Variants in KIRREL3 observed in about 807,000 individuals in gnomAD.
KIRREL3 encodes kin of IRRE-like protein 3.
In KIRREL3, 36 loss-of-function variants were observed where a neutral mutation model predicts 89.7. That is an observed-to-expected ratio of 0.40 (90% CI 0.31 to 0.53). KIRREL3 has a LOEUF of 0.53. KIRREL3 is among the 20% of genes least tolerant of loss of function. The pLI is 0.49. For missense variants in KIRREL3, 864 were observed against 1,056.6 expected (o/e 0.82, Z 2.53); for synonymous variants, 445 against 441.4 (o/e 1.01, Z -0.10).
chr11:126,953,047 A>G lies in KIRREL3; in HGVS notation c.55+47408T>C, dbSNP rs1413607386. Among the ~76,000 whole-genome samples the G allele has an allele frequency of 6.6e-6, 1 of 152,244 alleles. No individual in the cohort carries two copies. The highest frequency in any genetic ancestry group is 1.5e-5 in the Non-Finnish European group (1 of 68,044). On this transcript the variant is annotated intron_variant, in intron 1 of 16. Transcript: ENST00000525144. This position sits in a 1 kb window ranked among gnomAD's most constrained non-coding sequence, Gnocchi z 5.2. ...ACACATGCACATGTATGTTTATTGC[A>G]GCACTGTTCACAATAACAAAGACTT...
At chr11:126,444,779 A>C (rs2134189287) in intron 10 of KIRREL3, among the ~76,000 whole-genome samples, 200 bp downstream of exon 10, 1 of 152,290 alleles carries the variant, frequency 6.6e-6, no homozygotes, top group African/African-American at 2.4e-5. Context: ...GGTGACTAGA[A>C]AACTACCCAG....
At chr11:126,789,093 T>A (rs117990963) in intron 1 of KIRREL3, among the ~76,000 whole-genome samples, 4 of 152,334 alleles carry the variant, frequency 2.6e-5, no homozygotes, top group Non-Finnish European at 5.9e-5. Context: ...CTTCCCCATA[T>A]GACCATGAGC....
In KIRREL3 at chr11:126,718,656, A is replaced by G. The variant is rs190585625; in HGVS notation, c.56-155744T>C. Among the ~76,000 whole-genome samples, 6 of 152,360 alleles carry G rather than the reference A, an allele frequency of 3.9e-5. No homozygotes were observed. The South Asian group carries it at 6.2e-4, about 16-fold the overall frequency. On this transcript the variant is annotated intron_variant, in intron 1 of 16. Coordinates refer to ENST00000525144, the MANE Select transcript of KIRREL3 (RefSeq NM_032531.4). ...TAAGGATAAGTGCTGTGCTTTACAC[A>G]TATTTTATTTACTCTCAATAATAAT...
At chr11:126,822,412 A>G (rs1465620256) in intron 1 of KIRREL3, among the ~76,000 whole-genome samples, 1 of 152,228 alleles carries the variant, frequency 6.6e-6, no homozygotes, top group East Asian at 1.9e-4. Flanking sequence ...AGCTCTGCTT[A>G]CAATGTAGGC....
intron 1 of KIRREL3, among the ~76,000 whole-genome samples, chr11:126,902,549 G>T (rs562790774): frequency 2.6e-5 from 4 of 152,214 alleles, no homozygotes; most frequent in Non-Finnish European, 5.9e-5. Flanking sequence ...CTAATGCAGT[G>T]AATTTGTTTA....
chr11:126,663,918 C>A (rs970313292), intron 1 of KIRREL3, among the ~76,000 whole-genome samples: 1 of 152,206 alleles, frequency 6.6e-6, no homozygotes, highest in Non-Finnish European at 1.5e-5. Context: ...AGGAGAGCCA[C>A]CCCAGTCCTG....
Position 126,516,481 on chromosome 11 carries a change from C to T in KIRREL3, c.433+4834G>A, listed in dbSNP as rs992244719. 6.6e-6 allele frequency among the ~76,000 whole-genome samples: 1 copy of T among 152,202 alleles called. No individual in the cohort carries two copies. Among genetic ancestry groups the T allele is most frequent in the Non-Finnish European group, 1.5e-5 (1 of 68,048 alleles). ...ATGGTTTAATCCGTGCATCACTTAT[C>T]GACCGCCTTCTCTCTGCCAGAATGC... On this transcript the variant is annotated intron_variant, in intron 4 of 16. Transcript: ENST00000525144. This position sits in a 1 kb window ranked among gnomAD's most constrained non-coding sequence, Gnocchi z 4.9.
rs1441890754 is a variant in KIRREL3, at chr11:126,755,205, C to A, written c.56-192293G>T. On this transcript the variant is annotated intron_variant, in intron 1 of 16. Transcript: ENST00000525144. The surrounding 1 kb of genome is among the most constrained non-coding windows in gnomAD (Gnocchi z 4.3). ...GGCCCAAAGGTAGGGCATTAAGTAA[C>A]CAGAGGGAAAAAAATGTATTCCCAT... 1.3e-5 allele frequency among the ~76,000 whole-genome samples: 2 copies of A among 152,122 alleles called. No homozygotes were observed. Among genetic ancestry groups the A allele is most frequent in the East Asian group, 1.9e-4 (1 of 5,198 alleles).
intron 1 of KIRREL3, among the ~76,000 whole-genome samples, chr11:126,713,077 G>A (rs1290941165): frequency 1.3e-5 from 2 of 152,178 alleles, no homozygotes; most frequent in Non-Finnish European, 2.9e-5. Context: ...ATAACAAAGT[G>A]TGAGAAACCT....
chr11:126,789,526 CT>C (rs1283551014), intron 1 of KIRREL3, among the ~76,000 whole-genome samples: 1 of 152,198 alleles, frequency 6.6e-6, no homozygotes, highest in Non-Finnish European at 1.5e-5. Flanking sequence ...ACTTCACCTT[CT>C]CTCATTCACT....
chr11:126,493,778 C>T (rs554606240), intron 4 of KIRREL3, among the ~76,000 whole-genome samples: 1 of 152,282 alleles, frequency 6.6e-6, no homozygotes, highest in East Asian at 1.9e-4. Flanking sequence ...CCAGCTGGCC[C>T]CGCCTGGGCA....
At chr11:126,789,664 G>A (rs1429261303) in intron 1 of KIRREL3, among the ~76,000 whole-genome samples, 1 of 152,178 alleles carries the variant, frequency 6.6e-6, no homozygotes. Context: ...CCCCGGAGTT[G>A]TAGGAAGCAT....
chr11:126,516,040 G>GC lies in KIRREL3; in HGVS notation c.433+5274dup, dbSNP rs1487213989. ...GCTGCCAACGCGGTGGGCTGAGGAG[G>GC]CCCTGCAGCTCTGCTGGTAGAGCTG... On this transcript the variant is annotated intron_variant, in intron 4 of 16. Transcript: ENST00000525144. The surrounding 1 kb of genome is among the most constrained non-coding windows in gnomAD (Gnocchi z 4.9). Among the ~76,000 whole-genome samples the GC allele has an allele frequency of 6.6e-6, 1 of 152,182 alleles. No individual in the cohort carries two copies. The highest frequency in any genetic ancestry group is 1.5e-5 in the Non-Finnish European group (1 of 68,040).
At chr11:126,944,981 A>T (rs1475262898) in intron 1 of KIRREL3, 1 of 152,208 alleles carries the variant, frequency 6.6e-6, no homozygotes, top group African/African-American at 2.4e-5. Flanking sequence ...ATGTGGGATG[A>T]ATAGCTTCAG....
At position 126,611,668 on chromosome 11, in the gene KIRREL3, C is replaced by T. The variant is rs1284799305; in HGVS notation, c.56-48756G>A. 6.6e-6 allele frequency among the ~76,000 whole-genome samples: 1 copy of T among 152,180 alleles called. No homozygotes were observed. Among genetic ancestry groups the T allele is most frequent in the Non-Finnish European group, 1.5e-5 (1 of 68,034 alleles). The stretch of plus-strand genomic sequence containing the variant: ...CGTGCCCTCCCCACAGATGGCTGCT[C>T]TCTGGGCTGCACGCACGTTGGGTTC... On this transcript the variant is annotated intron_variant, in intron 1 of 16. Coordinates refer to ENST00000525144, the MANE Select transcript of KIRREL3 (RefSeq NM_032531.4). This position sits in a 1 kb window ranked among gnomAD's most constrained non-coding sequence, Gnocchi z 4.7.
At chr11:126,756,569 C>T (rs36043596) in intron 1 of KIRREL3, among the ~76,000 whole-genome samples, 1,584 of 152,344 alleles carry the variant, frequency 0.01, 19 homozygotes, top group Non-Finnish European at 0.016. Context: ...ATGCCAGTGG[C>T]GCTATCTCAC....
chr11:126,516,715 C>T lies in KIRREL3; in HGVS notation c.433+4600G>A, dbSNP rs898543322. Among the ~76,000 whole-genome samples, 1 of 152,218 alleles carries T rather than the reference C, an allele frequency of 6.6e-6. No individual in the cohort carries two copies. Among genetic ancestry groups the T allele is most frequent in the African/African-American group, 2.4e-5 (1 of 41,452 alleles). ...ATCAAGTGTAATGCCACCCTTACAA[C>T]TCTGACCCTGGGACAGTTTCAATAT... On this transcript the variant is annotated intron_variant, in intron 4 of 16. Coordinates refer to ENST00000525144, the MANE Select transcript of KIRREL3 (RefSeq NM_032531.4). The surrounding 1 kb of genome is among the most constrained non-coding windows in gnomAD (Gnocchi z 4.9).
chr11:126,858,452 C>T (rs968506920), intron 1 of KIRREL3, among the ~76,000 whole-genome samples: 2 of 152,090 alleles, frequency 1.3e-5, no homozygotes, highest in Non-Finnish European at 2.9e-5. Context: ...TGCTGTCTGT[C>T]GTCAGCAAAA....
chr11:126,915,988 G>A (rs997286369), intron 1 of KIRREL3, among the ~76,000 whole-genome samples: 1 of 152,302 alleles, frequency 6.6e-6, no homozygotes, highest in African/African-American at 2.4e-5. Flanking sequence ...CCACAGAACA[G>A]TCTCCAGCAC....
Sources: allele counts gnomAD v4.1 joint callset (sites outside exome capture counted in the v4.1 genomes callset), GRCh38; gene constraint gnomAD v4.1.1; non-coding constraint Gnocchi (gnomAD v3.1); transcripts MANE v1.5; gene names NCBI Gene and HGNC (gene_info 2026-07-23, HGNC 2026-07-21).